SIM1: variants seen among roughly 807,000 people sequenced by gnomAD.
The protein encoded by SIM1 is SIM bHLH transcription factor 1, also known as single-minded homolog 1.
In SIM1, 18 loss-of-function variants were observed where a neutral mutation model predicts 78.2. The observed-to-expected ratio is 0.23, with a 90% CI of 0.16 to 0.34. The LOEUF (loss-of-function observed/expected upper bound fraction) is 0.34, where lower values mean the gene tolerates loss of function less well. Ranked by LOEUF, SIM1 falls within the 10% of genes least tolerant of loss-of-function variation. SIM1 has a pLI of 1.00. For synonymous variants in SIM1, 417 were observed against 385.2 expected, an observed-to-expected ratio of 1.08 and a Z score of -0.97; for missense variants, 939 against 975.1, an observed-to-expected ratio of 0.96 and a Z score of 0.49.
In SIM1 at chr6:100,393,509, G is replaced by A; in HGVS notation, c.1548C>T (p.Ile516=). The change falls in exon 11 of 12, where the codon ATC becomes ATT. Residue 516 remains isoleucine, a synonymous_variant. Coordinates refer to ENST00000369208, the MANE Select transcript of SIM1 (RefSeq NM_005068.3). ...TACCATGGATCCTGTGGACTGAAGC[G>A]ATGTGAGGCATGCTGTTTTCATAGG... ...REAYENSMPH[I]ASVHRIHGRG... The A allele has an allele frequency of 6.4e-7, 1 of 1,557,456 alleles. No homozygotes were observed. The highest frequency in any genetic ancestry group is 8.7e-7 in the Non-Finnish European group (1 of 1,148,132).
At chr6:100,420,491 C>T (rs1300514169) in intron 10 of SIM1, among the ~76,000 whole-genome samples, 3 of 152,122 alleles carry the variant, frequency 2.0e-5, no homozygotes, top group African/African-American at 4.8e-5. Context: ...CATGGTCACT[C>T]ACTGGGTGGG....
chr6:100,394,551 G>A lies in SIM1; in HGVS notation c.1168-662C>T, dbSNP rs540952433. Among the ~76,000 whole-genome samples, 3 of 152,222 alleles carry A rather than the reference G, an allele frequency of 2.0e-5. No homozygotes were observed. In the South Asian group the frequency reaches 6.2e-4, roughly 32 times the overall value. Reference sequence around the variant, plus strand: ...CTCCTGAGTAGGTGAGATCACAGGTGTGCAACAATACACAGCTAATTTTTA... The same window carrying A: ...CTCCTGAGTAGGTGAGATCACAGGTATGCAACAATACACAGCTAATTTTTA... On this transcript the variant is annotated intron_variant, in intron 10 of 11. Transcript: ENST00000369208.
intron 8 of SIM1, 56 bp from the exon 9 acceptor site, chr6:100,447,471 C>T (rs988524331): frequency 6.3e-7 from 1 of 1,599,392 alleles, no homozygotes; most frequent in Non-Finnish European, 8.6e-7. Context: ...GGACTGGCCC[C>T]AAATGCAATC....
intron 10 of SIM1, 89 bp from the exon 11 acceptor site, chr6:100,393,978 T>G (rs1770710450): frequency 2.2e-6 from 3 of 1,356,270 alleles, no homozygotes; most frequent in Non-Finnish European, 1.0e-6. Context: ...CTTTATTTAC[T>G]CTACAAGCAC....
chr6:100,444,737 A>C (rs1772311742), intron 9 of SIM1, among the ~76,000 whole-genome samples: 1 of 152,166 alleles, frequency 6.6e-6, no homozygotes, highest in Admixed American at 6.5e-5. Flanking sequence ...TTGTTAGATA[A>C]TAATAACTTA....
At chr6:100,452,470 C>T (rs1772536391) in intron 3 of SIM1, among the ~76,000 whole-genome samples, 2 of 152,094 alleles carry the variant, frequency 1.3e-5, no homozygotes, top group Admixed American at 6.5e-5. Context: ...TTCTTGCTAT[C>T]AAAATGTGGT....
At chr6:100,457,854 C>T (rs746116195) in intron 2 of SIM1, among the ~76,000 whole-genome samples, 7 of 152,220 alleles carry the variant, frequency 4.6e-5, no homozygotes, top group Non-Finnish European at 1.0e-4. Flanking sequence ...CAGCCTGGAC[C>T]CCACAGTGTG....
At chr6:100,402,052 T>G (rs1770927751) in intron 10 of SIM1, among the ~76,000 whole-genome samples, 1 of 152,194 alleles carries the variant, frequency 6.6e-6, no homozygotes, top group Admixed American at 6.5e-5. Flanking sequence ...AGGAACAGAC[T>G]ACCTTATAGG....
chr6:100,389,436 G>C lies in SIM1; in HGVS notation c.*925C>G. On this transcript the variant is annotated 3_prime_UTR_variant, in exon 12 of 12. Coordinates refer to ENST00000369208, the MANE Select transcript of SIM1 (RefSeq NM_005068.3). ...TTTTGCACCTATTGGTCTTTTTTCT[G>C]GGTGAATTGGTTTGAATTTTTTATT... 2.5e-6 allele frequency: 1 copy of C among 394,138 alleles called. No individual in the cohort carries two copies. Among genetic ancestry groups the C allele is most frequent in the Non-Finnish European group, 4.5e-6 (1 of 223,570 alleles). 24.4% of individuals were successfully genotyped at this position (394,138 alleles called of 1,614,324 possible).
Position 100,389,932 on chromosome 6 carries a change from T to C in SIM1, c.*429A>G. On this transcript the variant is annotated 3_prime_UTR_variant, in exon 12 of 12. Transcript: ENST00000369208. ...TGACAGAGTCAAAGAAAATTACCCA[T>C]TTTTGATGTATTTACATTACATAGC... 1 of 392,944 alleles carries C rather than the reference T, an allele frequency of 2.5e-6. No homozygotes were observed. Among genetic ancestry groups the C allele is most frequent in the Non-Finnish European group, 4.5e-6 (1 of 222,936 alleles). The allele number at this position is 392,944 out of a possible 1,614,324, so 24.3% of individuals were successfully genotyped here.
rs563021650 is a variant in SIM1 at position 100,419,031 on chromosome 6, G to T, written c.1167+1759C>A. Among the ~76,000 whole-genome samples, 7 of 152,136 alleles carry T rather than the reference G, an allele frequency of 4.6e-5. No individual in the cohort carries two copies. The South Asian group carries it at 1.2e-3, about 27-fold the overall frequency. On this transcript the variant is annotated intron_variant, in intron 10 of 11. Transcript: ENST00000369208. ...AAAATACAAAAATTAGACGGGCGTG[G>T]TGGCAGTGCCTGTAATCCCAGCTAC...
chr6:100,390,155 G>A lies in SIM1; in HGVS notation c.*206C>T. Reference sequence around the variant, plus strand: ...TCCCATATAATTAGAGGGGAAATTTGTGTATTCAATTTAGCTCCCTTTTCT... The same window carrying A: ...TCCCATATAATTAGAGGGGAAATTTATGTATTCAATTTAGCTCCCTTTTCT... On this transcript the variant is annotated 3_prime_UTR_variant, in exon 12 of 12. Coordinates refer to ENST00000369208, the MANE Select transcript of SIM1 (RefSeq NM_005068.3). The A allele has an allele frequency of 1.7e-6, 1 of 573,444 alleles. No homozygotes were observed. The highest frequency in any genetic ancestry group is 1.9e-5 in the African/African-American group (1 of 53,350). The allele number at this position is 573,444 out of a possible 1,614,324, so 35.5% of individuals were successfully genotyped here.
At chr6:100,408,551 G>C (rs1771109405) in intron 10 of SIM1, among the ~76,000 whole-genome samples, 1 of 151,944 alleles carries the variant, frequency 6.6e-6, no homozygotes, top group South Asian at 2.1e-4. Flanking sequence ...ATGGTAGCCT[G>C]CCCTATATAA....
intron 10 of SIM1, among the ~76,000 whole-genome samples, chr6:100,405,857 C>T (rs1448972778): frequency 2.0e-5 from 3 of 152,098 alleles, no homozygotes; most frequent in South Asian, 2.1e-4. Flanking sequence ...GGAATCAGCA[C>T]GCAGGACCCA....
rs1314717217 is a variant in SIM1, at chr6:100,385,296, CT to C, written c.*5064del. The C allele has an allele frequency of 7.9e-5, 12 of 151,666 alleles. No individual in the cohort carries two copies. The highest frequency in any genetic ancestry group is 1.3e-4 in the Non-Finnish European group (9 of 67,884). The allele number at this position is 151,666 out of a possible 1,614,324, so 9.4% of individuals were successfully genotyped here. A position where few individuals can be genotyped will look rare whatever the true frequency, so the allele number is the denominator to read the frequency against. On this transcript the variant is annotated 3_prime_UTR_variant, in exon 12 of 12. Coordinates refer to ENST00000369208, the MANE Select transcript of SIM1 (RefSeq NM_005068.3). ...AGTATCTTTTCTCACAAATATAATCCTTTTTATAGCACATTAGTCAAAAAAC... is the reference window on the plus strand; with the variant it reads ...AGTATCTTTTCTCACAAATATAATCCTTTTATAGCACATTAGTCAAAAAAC...
intron 9 of SIM1, among the ~76,000 whole-genome samples, chr6:100,430,910 C>A (rs1205430854): frequency 6.6e-6 from 1 of 152,110 alleles, no homozygotes; most frequent in Non-Finnish European, 1.5e-5. Flanking sequence ...AAAAAAAATA[C>A]CTGTAATAAT....
rs770547179 is a variant in SIM1, at chr6:100,463,461, T to C, written c.8A>G (p.Glu3Gly). 8.7e-6 allele frequency: 14 copies of C among 1,605,552 alleles called. No individual in the cohort carries two copies. The highest frequency in any genetic ancestry group is 1.1e-5 in the Non-Finnish European group (13 of 1,172,936). MK[E>G]KSKNAARTRR... ...AGTCCGCGCAGCATTTTTGGACTTT[T>C]CTTTCATTGTGTCTTGTTCCCCCTT... Residue 3 changes from glutamate to glycine, a missense_variant, in exon 2 of 12, where the codon GAA (glutamate) becomes GGA (glycine). By Grantham distance (98) the Glu-to-Gly change is moderately conservative. This residue lies in a region of SIM1 where 121 missense variants were observed against 124.6 expected (regional missense o/e 0.97). Transcript: ENST00000369208.
intron 10 of SIM1, among the ~76,000 whole-genome samples, chr6:100,411,714 A>G (rs2114488957): frequency 6.6e-6 from 1 of 152,272 alleles, no homozygotes. Context: ...ACTTTCAAAG[A>G]GATTATAGTC....
intron 10 of SIM1, among the ~76,000 whole-genome samples, chr6:100,416,060 C>A (rs533481449): frequency 6.6e-6 from 1 of 152,258 alleles, no homozygotes; most frequent in South Asian, 2.1e-4. Context: ...CAGATAAGCA[C>A]AACAAAGAGA....
Sources: allele counts gnomAD v4.1 joint callset (sites outside exome capture counted in the v4.1 genomes callset), GRCh38; gene constraint gnomAD v4.1.1; regional missense constraint gnomAD v4.1.1; transcripts MANE v1.5; gene names NCBI Gene and HGNC (gene_info 2026-07-23, HGNC 2026-07-21).